Variants in CDH10 observed in about 807,000 individuals in gnomAD.
CDH10 encodes cadherin 10.
CDH10 carries 30 observed loss-of-function variants against 73.1 expected under a neutral mutation model. The ratio of observed to expected loss-of-function variants is 0.41; its 90% CI spans 0.31 to 0.56. CDH10 has a LOEUF of 0.56. Ranked by LOEUF, CDH10 falls within the 20% of genes least tolerant of loss-of-function variation. The pLI is 0.27. For synonymous variants in CDH10, 345 were observed against 348.2 expected (o/e 0.99, Z 0.10); for missense variants, 815 against 973.7 (o/e 0.84, Z 2.17).
rs903351082 is a variant in CDH10, at chr5:24,644,957, G to C, written c.-487C>G. ...AGACTGTGGAAGTGCTGGCTTCTGCGAGCACACAGCGATTTGCAAGTGAAT... is the reference window on the plus strand; with the variant it reads ...AGACTGTGGAAGTGCTGGCTTCTGCCAGCACACAGCGATTTGCAAGTGAAT... On this transcript the variant is annotated 5_prime_UTR_variant, in exon 1 of 12. Coordinates refer to ENST00000264463, the MANE Select transcript of CDH10 (RefSeq NM_006727.5). 5 of 152,032 alleles carry C rather than the reference G, an allele frequency of 3.3e-5. No homozygotes were observed. Among genetic ancestry groups the C allele is most frequent in the Non-Finnish European group, 7.4e-5 (5 of 68,016 alleles). The allele number at this position is 152,032 out of a possible 1,614,324, so 9.4% of individuals were successfully genotyped here. A position where few individuals can be genotyped will look rare whatever the true frequency, so the allele number is the denominator to read the frequency against.
intron 5 of CDH10, among the ~76,000 whole-genome samples, chr5:24,512,260 C>T (rs548772396): frequency 6.6e-6 from 1 of 152,266 alleles, no homozygotes; most frequent in Admixed American, 6.5e-5. Flanking sequence ...CCATCTTAAT[C>T]TCTGGGATAG....
intron 1 of CDH10, among the ~76,000 whole-genome samples, chr5:24,632,303 C>A (rs1299136349): frequency 1.3e-5 from 2 of 150,736 alleles, no homozygotes; most frequent in Non-Finnish European, 3.0e-5. Context: ...AGGTTGCATG[C>A]AAATTTTAAA....
intron 5 of CDH10, among the ~76,000 whole-genome samples, chr5:24,516,482 T>A (rs1743113362): frequency 6.6e-6 from 1 of 152,160 alleles, no homozygotes; most frequent in Admixed American, 6.5e-5. Flanking sequence ...TTCAATTTTT[T>A]TTCATTCAGT....
chr5:24,523,453 TA>T (rs199796817), intron 5 of CDH10, among the ~76,000 whole-genome samples: 2 of 152,088 alleles, frequency 1.3e-5, no homozygotes, highest in East Asian at 3.9e-4. Context: ...CAGTTTATGA[TA>T]AAAAAATTAC....
At chr5:24,504,399 G>C (rs190509762) in intron 8 of CDH10, among the ~76,000 whole-genome samples, 12 of 147,944 alleles carry the variant, frequency 8.1e-5, no homozygotes, top group Admixed American at 5.4e-4. Flanking sequence ...GCCTTTCTTT[G>C]TCATCCTAGT....
At chr5:24,501,064 T>C (rs1742477073) in intron 8 of CDH10, among the ~76,000 whole-genome samples, 1 of 152,194 alleles carries the variant, frequency 6.6e-6, no homozygotes, top group Non-Finnish European at 1.5e-5. Flanking sequence ...AGTGGGAAGG[T>C]ATGCTTCTTC....
intron 11 of CDH10, among the ~76,000 whole-genome samples, chr5:24,488,889 T>C (rs1664036418): frequency 6.7e-6 from 1 of 150,334 alleles, no homozygotes; most frequent in Non-Finnish European, 1.5e-5. Flanking sequence ...TGTATGAATC[T>C]TGGCTAGATT....
At chr5:24,565,762 C>A (rs2112005194) in intron 2 of CDH10, among the ~76,000 whole-genome samples, 1 of 150,766 alleles carries the variant, frequency 6.6e-6, no homozygotes, top group African/African-American at 2.4e-5. Context: ...CTCTCTCTTT[C>A]ACACACACAC....
chr5:24,536,395 T>TA (rs543440367), intron 3 of CDH10, among the ~76,000 whole-genome samples: 380 of 152,194 alleles, frequency 2.5e-3, no homozygotes, highest in African/African-American at 8.3e-3. Flanking sequence ...TTTAATGAAG[T>TA]AAATATTAAA....
intron 2 of CDH10, among the ~76,000 whole-genome samples, chr5:24,557,692 T>C (rs543623211): frequency 2.1e-4 from 32 of 151,950 alleles, no homozygotes; most frequent in Admixed American, 2.6e-4. Context: ...AGGTTACCAG[T>C]AAGCATCTGT....
chr5:24,529,621 A>T (rs1051494493), intron 5 of CDH10, among the ~76,000 whole-genome samples: 4 of 152,142 alleles, frequency 2.6e-5, no homozygotes, highest in African/African-American at 7.2e-5. Context: ...GGATGCTTAC[A>T]TAATAAATAT....
Position 24,564,920 on chromosome 5 carries a change from C to T in CDH10, c.232-27246G>A, listed in dbSNP as rs1049117513. ...CTGCTCATTCTGCTCTCATCTGATC[C>T]TCTCACTGGGCCAGTCCATTGAGTA... On this transcript the variant is annotated intron_variant, in intron 2 of 11. Transcript: ENST00000264463. Among the ~76,000 whole-genome samples, 6 of 152,104 alleles carry T rather than the reference C, an allele frequency of 3.9e-5. No individual in the cohort carries two copies. In the South Asian group the frequency reaches 1.2e-3, roughly 32 times the overall value.
intron 2 of CDH10, among the ~76,000 whole-genome samples, chr5:24,581,703 A>G (rs1387367989): frequency 6.6e-6 from 1 of 152,120 alleles, no homozygotes; most frequent in African/African-American, 2.4e-5. Context: ...CACTTGAAAA[A>G]CTTCAATACG....
intron 2 of CDH10, among the ~76,000 whole-genome samples, chr5:24,541,591 T>C (rs1744159643): frequency 6.6e-6 from 1 of 152,120 alleles, no homozygotes; most frequent in African/African-American, 2.4e-5. Context: ...GCATCTACTT[T>C]GAAAGATATG....
At chr5:24,636,030 T>C (rs1177798278) in intron 1 of CDH10, among the ~76,000 whole-genome samples, 2 of 151,136 alleles carry the variant, frequency 1.3e-5, no homozygotes, top group Non-Finnish European at 3.0e-5. Flanking sequence ...TGATATTAAG[T>C]GCTGTGGTAA....
chr5:24,594,293 T>C (rs926588891), intron 1 of CDH10, among the ~76,000 whole-genome samples: 5 of 151,950 alleles, frequency 3.3e-5, no homozygotes, highest in Non-Finnish European at 7.4e-5. Flanking sequence ...TAACTACCTC[T>C]ACTGCCTGGT....
intron 8 of CDH10, among the ~76,000 whole-genome samples, chr5:24,504,194 C>T (rs1742597770): frequency 6.6e-6 from 1 of 152,050 alleles, no homozygotes; most frequent in South Asian, 2.1e-4. Context: ...TGCTCCTCCC[C>T]TTTTCTTCCT....
intron 2 of CDH10, 118 bp downstream of exon 2, chr5:24,593,142 T>C (rs536389290): frequency 1.6e-6 from 1 of 627,124 alleles, no homozygotes; most frequent in East Asian, 2.8e-5. Flanking sequence ...ACAAAAATCC[T>C]TTAGGGAGAT....
At chr5:24,562,876 T>A (rs1194723103) in intron 2 of CDH10, among the ~76,000 whole-genome samples, 1 of 152,160 alleles carries the variant, frequency 6.6e-6, no homozygotes, top group Non-Finnish European at 1.5e-5. Context: ...AATGTATAAA[T>A]AACTTATTTT....
Sources: allele counts gnomAD v4.1 joint callset (sites outside exome capture counted in the v4.1 genomes callset), GRCh38; gene constraint gnomAD v4.1.1; transcripts MANE v1.5; gene names NCBI Gene and HGNC (gene_info 2026-07-23, HGNC 2026-07-21).